Variants in BAZ1B observed in about 807,000 individuals in gnomAD.
BAZ1B encodes the protein tyrosine-protein kinase BAZ1B.
Under a neutral mutation model 153.8 loss-of-function variants are expected in BAZ1B, and 22 were observed. The ratio of observed to expected loss-of-function variants is 0.14; its 90% CI spans 0.10 to 0.20. BAZ1B has a LOEUF of 0.20. Ranked by LOEUF, BAZ1B falls within the 10% of genes least tolerant of loss-of-function variation. The pLI, the probability that BAZ1B is intolerant of heterozygous loss-of-function variation, is 1.00. For synonymous variants in BAZ1B, 676 were observed against 633.4 expected, an observed-to-expected ratio of 1.07 and a Z score of -1.01; for missense variants, 1,325 against 1,799.3, an observed-to-expected ratio of 0.74 and a Z score of 4.77.
intron 19 of BAZ1B, 133 bp downstream of exon 19, chr7:73,442,048 C>T: frequency 3.0e-6 from 2 of 673,378 alleles, no homozygotes; most frequent in Non-Finnish European, 5.0e-6. Context: ...CCATAAAGAG[C>T]TTTTAGAAAA....
intron 1 of BAZ1B, among the ~76,000 whole-genome samples, chr7:73,516,474 T>C (rs1554579292): frequency 6.6e-6 from 1 of 152,098 alleles, no homozygotes; most frequent in African/African-American, 2.4e-5. Context: ...TAAAATTAAT[T>C]GCCTAGTCAA....
chr7:73,484,777 G>T (rs1554574249), intron 6 of BAZ1B, among the ~76,000 whole-genome samples: 1 of 152,106 alleles, frequency 6.6e-6, no homozygotes, highest in Non-Finnish European at 1.5e-5. Context: ...TAATCATGAA[G>T]AAATAAACCA....
At chr7:73,487,892 T>C (rs1563387525) in intron 6 of BAZ1B, among the ~76,000 whole-genome samples, 2 of 152,238 alleles carry the variant, frequency 1.3e-5, no homozygotes, top group African/African-American at 2.4e-5. Context: ...ACACCACTTA[T>C]CTTGCTGGTC....
intron 16 of BAZ1B, among the ~76,000 whole-genome samples, chr7:73,444,557 A>T (rs1404916352): frequency 4.6e-5 from 7 of 152,222 alleles, no homozygotes; most frequent in African/African-American, 1.7e-4. Context: ...CTGGATTGTA[A>T]AACAAACCCT....
At chr7:73,505,952 T>C (rs1395446296) in intron 3 of BAZ1B, among the ~76,000 whole-genome samples, 3 of 152,206 alleles carry the variant, frequency 2.0e-5, no homozygotes, top group African/African-American at 7.2e-5. Flanking sequence ...TCATAACTAG[T>C]ATGTATCAAC....
intron 13 of BAZ1B, 101 bp from the exon 14 acceptor site, chr7:73,451,095 G>C (rs1788013407): frequency 7.1e-6 from 10 of 1,407,812 alleles, no homozygotes; most frequent in Non-Finnish European, 9.6e-6. Flanking sequence ...GAGGACACTT[G>C]CCTCCTAGAA....
chr7:73,487,984 A>G (rs1394459121), intron 6 of BAZ1B, among the ~76,000 whole-genome samples: 2 of 152,338 alleles, frequency 1.3e-5, no homozygotes, highest in Admixed American at 1.3e-4. Context: ...TTACTTTTCA[A>G]TATGCTTTTG....
intron 1 of BAZ1B, among the ~76,000 whole-genome samples, chr7:73,518,177 G>A (rs1026078339): frequency 1.3e-5 from 2 of 151,618 alleles, no homozygotes; most frequent in African/African-American, 4.8e-5. Flanking sequence ...CGAGGCGGGC[G>A]GATCATAAGG....
chr7:73,469,412 T>C (rs1414896029), intron 9 of BAZ1B, 105 bp downstream of exon 9: 12 of 1,416,508 alleles, frequency 8.5e-6, no homozygotes, highest in Admixed American at 7.8e-5. Flanking sequence ...AAGACCACAA[T>C]AAAGAAATTC....
intron 17 of BAZ1B, 91 bp from the exon 18 acceptor site, chr7:73,442,919 G>T (rs1298751851): frequency 7.2e-6 from 7 of 972,852 alleles, no homozygotes; most frequent in Non-Finnish European, 9.3e-6. Flanking sequence ...CTCAAAAAAG[G>T]AAGAGAGTTC....
chr7:73,495,754 A>G (rs548131348), intron 4 of BAZ1B, among the ~76,000 whole-genome samples: 1 of 152,346 alleles, frequency 6.6e-6, no homozygotes, highest in East Asian at 1.9e-4. Flanking sequence ...GCTGGAGGCT[A>G]TTATCCTTGC....
intron 5 of BAZ1B, among the ~76,000 whole-genome samples, chr7:73,490,848 ACCTGC>A: frequency 6.6e-6 from 1 of 151,370 alleles, no homozygotes; most frequent in African/African-American, 2.4e-5. Context: ...CAGGTGATCC[ACCTGC>A]CTCGGCCTCC....
At chr7:73,476,280 A>C (rs1554572753) in intron 7 of BAZ1B, among the ~76,000 whole-genome samples, 3 of 152,176 alleles carry the variant, frequency 2.0e-5, no homozygotes, top group African/African-American at 7.2e-5. Context: ...AATTATACAC[A>C]ATAAGTGAAC....
rs554854128 is a variant in BAZ1B at position 73,521,218 on chromosome 7, C to T, written c.107+609G>A. On this transcript the variant is annotated intron_variant, in intron 1 of 19. Transcript: ENST00000339594. The stretch of plus-strand genomic sequence containing the variant: ...TCCTCCACAGGCAGTTTCCTTCCCT[C>T]CCTTTCCTCTAAGCGGGGAATCTCA... 2.6e-5 allele frequency among the ~76,000 whole-genome samples: 4 copies of T among 152,130 alleles called. No individual in the cohort carries two copies. In the East Asian group the frequency reaches 7.7e-4, roughly 29 times the overall value.
chr7:73,440,477 G>A lies in BAZ1B; in HGVS notation c.*1232C>T, dbSNP rs1371151893. On this transcript the variant is annotated 3_prime_UTR_variant, in exon 20 of 20. Transcript: ENST00000339594. Reference sequence around the variant, plus strand: ...ATTTATTACAAGTTCACCCTTTAATGGGGCCCTTCCTCTTTGAAGACAATA... The same window carrying A: ...ATTTATTACAAGTTCACCCTTTAATAGGGCCCTTCCTCTTTGAAGACAATA... The A allele has an allele frequency of 6.7e-6, 1 of 150,250 alleles. No homozygotes were observed. Among genetic ancestry groups the A allele is most frequent in the Non-Finnish European group, 1.5e-5 (1 of 67,702 alleles). The allele number at this position is 150,250 out of a possible 1,614,324, so 9.3% of individuals were successfully genotyped here. A position where few individuals can be genotyped will look rare whatever the true frequency, so the allele number is the denominator to read the frequency against.
chr7:73,508,296 T>C (rs1232339546), intron 3 of BAZ1B, 31 bp downstream of exon 3: 37 of 1,604,990 alleles, frequency 2.3e-5, no homozygotes, highest in Non-Finnish European at 3.2e-5. Context: ...ATTCTGATGG[T>C]AAGTCAAATC....
chr7:73,465,097 C>T (rs1788530968), intron 11 of BAZ1B, among the ~76,000 whole-genome samples: 1 of 152,086 alleles, frequency 6.6e-6, no homozygotes, highest in Admixed American at 6.6e-5. Flanking sequence ...GTTGTTTCCA[C>T]CTTTTGGCTC....
At chr7:73,447,738 C>T (rs1356560967) in intron 15 of BAZ1B, among the ~76,000 whole-genome samples, 3 of 152,214 alleles carry the variant, frequency 2.0e-5, no homozygotes, top group Non-Finnish European at 4.4e-5. Flanking sequence ...ACATCAGTTA[C>T]TAAAAGCTGT....
intron 9 of BAZ1B, among the ~76,000 whole-genome samples, chr7:73,468,846 G>C (rs986344230): frequency 2.0e-5 from 3 of 152,050 alleles, no homozygotes; most frequent in Non-Finnish European, 4.4e-5. Flanking sequence ...TAGAAGAAGA[G>C]GGTCAGGTGC....
Sources: gnomAD v4.1 joint callset for allele counts (sites outside exome capture counted in the v4.1 genomes callset) on GRCh38, gnomAD v4.1.1 for gene constraint, MANE v1.5 for transcripts, NCBI Gene and HGNC (gene_info 2026-07-23, HGNC 2026-07-21) for gene names.